UBTF: variants seen among roughly 807,000 people sequenced by gnomAD.
UBTF encodes nucleolar transcription factor 1.
In UBTF, 8 loss-of-function variants were observed where a neutral mutation model predicts 112.3. The observed-to-expected ratio is 0.07, with a 90% confidence interval of 0.04 to 0.13. UBTF has a LOEUF of 0.13. UBTF is among the 10% of genes least tolerant of loss of function. UBTF has a pLI of 1.00. For missense variants in UBTF, 457 were observed against 982.1 expected, an observed-to-expected ratio of 0.47 and a Z score of 7.15; for synonymous variants, 417 against 373.1, an observed-to-expected ratio of 1.12 and a Z score of -1.36.
rs1598260524 is a variant in UBTF, at chr17:44,215,814, A to G, written c.319-5T>C. On this transcript the variant is annotated splice_polypyrimidine_tract_variant and splice_region_variant and intron_variant, in intron 4 of 20. Coordinates refer to ENST00000436088, the MANE Select transcript of UBTF (RefSeq NM_014233.4). ...CTTTGGGAAGTCTGGGTGTTTCTGGAAGAAGGGACAAGGACACAATGGAGG... is the reference window on the plus strand; with the variant it reads ...CTTTGGGAAGTCTGGGTGTTTCTGGGAGAAGGGACAAGGACACAATGGAGG... 6.2e-7 allele frequency: 1 copy of G among 1,614,020 alleles called. No individual in the cohort carries two copies. The highest frequency in any genetic ancestry group is 8.5e-7 in the Non-Finnish European group (1 of 1,179,984).
In UBTF at chr17:44,207,156, A is replaced by C; in HGVS notation, c.*86T>G. 2.1e-6 allele frequency: 3 copies of C among 1,459,198 alleles called. No homozygotes were observed. Among genetic ancestry groups the C allele is most frequent in the Non-Finnish European group, 2.8e-6 (3 of 1,061,368 alleles). 90.4% of individuals were successfully genotyped at this position (1,459,198 alleles called of 1,614,324 possible). A position where few individuals can be genotyped will look rare whatever the true frequency, so the allele number is the denominator to read the frequency against. On this transcript the variant is annotated 3_prime_UTR_variant, in exon 21 of 21. Coordinates refer to ENST00000436088, the MANE Select transcript of UBTF (RefSeq NM_014233.4). ...GTGGGGGAGGCCAGGGGGGCAAGGG[A>C]CAGAACATGGGGGAGAAACAAAGGT...
At position 44,214,195 on chromosome 17, in the gene UBTF, T is replaced by C. The variant is rs1310363020; in HGVS notation, c.475-913A>G. 2.6e-5 allele frequency among the ~76,000 whole-genome samples: 4 copies of C among 152,228 alleles called. No individual in the cohort carries two copies. In the East Asian group the frequency reaches 5.8e-4, roughly 22 times the overall value. ...GCTCATGGCAACTGAGCCCAACCCC[T>C]GCCTCTTATAGAAGCACCAGGCATA... On this transcript the variant is annotated intron_variant, in intron 5 of 20. Coordinates refer to ENST00000436088, the MANE Select transcript of UBTF (RefSeq NM_014233.4).
chr17:44,215,868 C>G (rs1189237069), intron 4 of UBTF, 38 bp downstream of exon 4: 2 of 1,614,048 alleles, frequency 1.2e-6, no homozygotes, highest in Admixed American at 1.7e-5. Flanking sequence ...TGGACCTTTC[C>G]TCCCATACCC....
At position 44,210,132 on chromosome 17, in the gene UBTF, G is replaced by A; in HGVS notation, c.1618C>T (p.Arg540Ter). Residue 540 changes from arginine to a stop codon, truncating the protein, a stop_gained, in exon 15 of 21, where the codon CGA becomes TGA. Coordinates refer to ENST00000436088, the MANE Select transcript of UBTF (RefSeq NM_014233.4). LOFTEE classifies it high-confidence loss of function. Reference protein sequence around the residue: ...WIKKAAEDQKRYERELSEMRA... With the variant: ...WIKKAAEDQK ...CCCAGCCCCATTCCTACCTCATATC[G>A]CTTTTGGTCTTCGGCTGCCTTCTTA... 1 of 1,614,174 alleles carries A rather than the reference G, an allele frequency of 6.2e-7. No homozygotes were observed. The highest frequency in any genetic ancestry group is 8.5e-7 in the Non-Finnish European group (1 of 1,180,030).
chr17:44,218,581 T>A, intron 1 of UBTF: 1 of 102,214 alleles, frequency 9.8e-6, no homozygotes, highest in Non-Finnish European at 1.4e-5. Context: ...CCGCCCCGCT[T>A]CCCAACCCCA....
rs947735320 is a variant in UBTF, at chr17:44,205,067, A to G, written c.*2175T>C. 6.5e-6 allele frequency: 1 copy of G among 152,674 alleles called. No homozygotes were observed. The highest frequency in any genetic ancestry group is 1.5e-5 in the Non-Finnish European group (1 of 68,036). The allele number at this position is 152,674 out of a possible 1,614,324, so 9.5% of individuals were successfully genotyped here. On this transcript the variant is annotated 3_prime_UTR_variant, in exon 21 of 21. Transcript: ENST00000436088. ...TGTTTTTCACTTTATTATACAAAAA[A>G]GGGAAAACAAAACTTCCACAGTTGG...
chr17:44,216,959 A>G (rs2046874799), intron 2 of UBTF, among the ~76,000 whole-genome samples: 1 of 152,204 alleles, frequency 6.6e-6, no homozygotes, highest in Non-Finnish European at 1.5e-5. Context: ...CTTCAAGGCT[A>G]TTATCATTTA....
rs962584698 is a variant in UBTF at position 44,207,066 on chromosome 17, G to A, written c.*176C>T. 2 of 689,664 alleles carry A rather than the reference G, an allele frequency of 2.9e-6. No individual in the cohort carries two copies. The highest frequency in any genetic ancestry group is 4.8e-6 in the Non-Finnish European group (2 of 418,626). 42.7% of individuals were successfully genotyped at this position (689,664 alleles called of 1,614,324 possible). ...GATGTCTCTGAGGCTGCAGAGTCCT[G>A]GCCTGGGCTCCTCCAGCCCCCTACC... On this transcript the variant is annotated 3_prime_UTR_variant, in exon 21 of 21. Transcript: ENST00000436088.
At chr17:44,220,142 G>C (rs895717274), upstream of UBTF, among the ~76,000 whole-genome samples, 1 of 150,782 alleles carries the variant, frequency 6.6e-6, no homozygotes, top group African/African-American at 2.4e-5. Context: ...GCGGGGCTCG[G>C]AGCCTAGGCG....
Position 44,210,242 on chromosome 17 carries a change from C to A in UBTF, c.1516-8G>T, listed in dbSNP as rs770846740. On this transcript the variant is annotated splice_polypyrimidine_tract_variant and splice_region_variant and intron_variant, in intron 14 of 20. Coordinates refer to ENST00000436088, the MANE Select transcript of UBTF (RefSeq NM_014233.4). The stretch of plus-strand genomic sequence containing the variant: ...GGCCTTCACCCGGTCATTCTGGGGA[C>A]CAATAAGGGTATCAGCCGTGGGAGG... 9 of 1,614,134 alleles carry A rather than the reference C, an allele frequency of 5.6e-6. No individual in the cohort carries two copies. Among genetic ancestry groups the A allele is most frequent in the Non-Finnish European group, 7.6e-6 (9 of 1,180,058 alleles).
At chr17:44,213,791 G>T (rs377273745) in intron 5 of UBTF, among the ~76,000 whole-genome samples, 1 of 152,120 alleles carries the variant, frequency 6.6e-6, no homozygotes, top group East Asian at 1.9e-4. Context: ...TTGTGTGGAG[G>T]GGAACCCAGA....
chr17:44,210,642 C>T (rs1346150433), intron 13 of UBTF, 150 bp downstream of exon 13: 11 of 1,381,672 alleles, frequency 8.0e-6, no homozygotes, highest in East Asian at 2.7e-5. Context: ...GACAGCTTCC[C>T]GCCTTCCGGC....
chr17:44,210,743 G>T lies in UBTF; in HGVS notation c.1359+49C>A, dbSNP rs573902840. The T allele has an allele frequency of 3.2e-6, 5 of 1,547,212 alleles. No individual in the cohort carries two copies. The African/African-American group carries it at 6.9e-5, about 21-fold the overall frequency. ...GCACGGCCCGCCAAGGGGAAGAGGGGGCCCTGGCAGCCCCCCTGGGGGCAC... is the reference window on the plus strand; with the variant it reads ...GCACGGCCCGCCAAGGGGAAGAGGGTGCCCTGGCAGCCCCCCTGGGGGCAC... On this transcript the variant is annotated intron_variant, in intron 13 of 20. Transcript: ENST00000436088.
intron 15 of UBTF, 48 bp from the exon 16 acceptor site, chr17:44,209,781 ACTG>A: frequency 6.3e-7 from 1 of 1,582,120 alleles, no homozygotes; most frequent in African/African-American, 1.3e-5. Context: ...CCCCCAAAAT[ACTG>A]CTGCCTTCTG....
chr17:44,207,118 A>C lies in UBTF; in HGVS notation c.*124T>G. 1.0e-6 allele frequency: 1 copy of C among 997,528 alleles called. No homozygotes were observed. The highest frequency in any genetic ancestry group is 1.4e-6 in the Non-Finnish European group (1 of 694,642). The allele number at this position is 997,528 out of a possible 1,614,324, so 61.8% of individuals were successfully genotyped here. A position where few individuals can be genotyped will look rare whatever the true frequency, so the allele number is the denominator to read the frequency against. ...CCACCGTATTTTTTTTTTTTTTTAA[A>C]GAAAGAAAGAAAGTGGGGGAGGCCA... On this transcript the variant is annotated 3_prime_UTR_variant, in exon 21 of 21. Coordinates refer to ENST00000436088, the MANE Select transcript of UBTF (RefSeq NM_014233.4).
At chr17:44,217,224 T>C (rs2046890164) in intron 2 of UBTF, among the ~76,000 whole-genome samples, 1 of 152,076 alleles carries the variant, frequency 6.6e-6, no homozygotes, top group Non-Finnish European at 1.5e-5. Context: ...TGGAAACCAA[T>C]GTTAGAGACA....
rs1488432300 is a variant in UBTF, at chr17:44,212,855, G to T, written c.624C>A (p.Thr208=). ...CTTTGAGATACACCTTCTTCTCGTG[G>T]GTGTACCACAGCTGCTGGGGGGTTT... ...KPKTPQQLWY[T]HEKKVYLKVR... The change falls in exon 7 of 21, where the codon ACC becomes ACA. Residue 208 remains threonine (T), a synonymous_variant. Transcript: ENST00000436088. 12 of 1,614,016 alleles carry T rather than the reference G, an allele frequency of 7.4e-6. 1 individual carries two copies. Among genetic ancestry groups the T allele is most frequent in the Middle Eastern group, 3.3e-4 (2 of 6,082 alleles).
intron 8 of UBTF, 96 bp downstream of exon 8, chr17:44,212,248 G>T: frequency 9.4e-7 from 1 of 1,060,508 alleles, no homozygotes; most frequent in South Asian, 1.4e-5. Flanking sequence ...ACAGAGGGAT[G>T]GGGAGTGACA....
rs778889100 is a variant in UBTF, at chr17:44,218,258, C to A, written c.-29G>T. ...CCAGCTGTCCAGCCACCTCCTCGGT[C>A]GTGCTGGCCGGGCAACCCGGGGTCA... On this transcript the variant is annotated 5_prime_UTR_variant, in exon 2 of 21. Transcript: ENST00000436088. 6 of 1,610,956 alleles carry A rather than the reference C, an allele frequency of 3.7e-6. No individual in the cohort carries two copies. The Admixed American group carries it at 1.0e-4, about 27-fold the overall frequency.
Sources: gnomAD v4.1 joint callset for allele counts (sites outside exome capture counted in the v4.1 genomes callset) on GRCh38, gnomAD v4.1.1 for gene constraint, MANE v1.5 for transcripts, NCBI Gene and HGNC (gene_info 2026-07-23, HGNC 2026-07-21) for gene names.